Variants in SYT14 observed in about 807,000 individuals in gnomAD.
SYT14 encodes the protein synaptotagmin-14.
In SYT14, 32 loss-of-function variants were observed where a neutral mutation model predicts 74.2. The ratio of observed to expected loss-of-function variants is 0.43; its 90% CI spans 0.33 to 0.58. The LOEUF (loss-of-function observed/expected upper bound fraction) is 0.58. SYT14 is among the 20% of genes least tolerant of loss of function. SYT14 has a pLI of 0.05. For missense variants in SYT14, 791 were observed against 981.8 expected, an observed-to-expected ratio of 0.81 and a Z score of 2.60; for synonymous variants, 298 against 337.7, an observed-to-expected ratio of 0.88 and a Z score of 1.29.
At chr1:210,079,023 G>A (rs1406575407) in intron 5 of SYT14, among the ~76,000 whole-genome samples, 10 of 152,072 alleles carry the variant, frequency 6.6e-5, no homozygotes, top group Non-Finnish European at 2.9e-5. Context: ...TAAGTGCTGG[G>A]ATTATAGGTG....
intron 5 of SYT14, among the ~76,000 whole-genome samples, chr1:210,033,316 A>G (rs1006441500): frequency 6.6e-6 from 1 of 151,878 alleles, no homozygotes; most frequent in African/African-American, 2.4e-5. Flanking sequence ...TTACAGAGCC[A>G]TTTTAAAGAG....
At chr1:209,965,392 C>G (rs2079139864) in intron 2 of SYT14, among the ~76,000 whole-genome samples, 1 of 152,202 alleles carries the variant, frequency 6.6e-6, no homozygotes, top group African/African-American at 2.4e-5. Flanking sequence ...GACATGATTT[C>G]ATCTCTTTTG....
intron 7 of SYT14, among the ~76,000 whole-genome samples, chr1:210,113,123 G>A (rs747735349): frequency 2.0e-4 from 30 of 151,426 alleles, no homozygotes; most frequent in Non-Finnish European, 4.0e-4. Flanking sequence ...GCTACAGGGC[G>A]TGGTCCCGGC....
rs748912589 is a variant in SYT14 at position 210,013,617 on chromosome 1, CT to C, written c.-485-7del. ...GAAAAATAAATGCTTACAGCTGTGA[CT>C]TTTTTTTTCTCTAGTATCTCCAGAG... On this transcript the variant is annotated splice_polypyrimidine_tract_variant and intron_variant, in intron 2 of 9. Transcript: ENST00000637265. The C allele has an allele frequency of 1.4e-4, 230 of 1,597,416 alleles. No homozygotes were observed. The Middle Eastern group carries it at 1.7e-3, about 12-fold the overall frequency.
chr1:210,130,989 A>G (rs2082662099), intron 7 of SYT14, among the ~76,000 whole-genome samples: 1 of 152,202 alleles, frequency 6.6e-6, no homozygotes, highest in African/African-American at 2.4e-5. Flanking sequence ...TTGTGGCATA[A>G]GAGAATTGTT....
At chr1:210,054,148 G>A (rs2081051580) in intron 5 of SYT14, among the ~76,000 whole-genome samples, 1 of 151,966 alleles carries the variant, frequency 6.6e-6, no homozygotes, top group Non-Finnish European at 1.5e-5. Context: ...GGGAAATTTT[G>A]TAACATTGTA....
chr1:209,961,227 A>G (rs2079071172), intron 2 of SYT14, among the ~76,000 whole-genome samples: 1 of 152,276 alleles, frequency 6.6e-6, no homozygotes, highest in East Asian at 1.9e-4. Flanking sequence ...AGTGTCTGAA[A>G]TGTAGGTGAC....
chr1:210,093,500 G>A (rs995429011), intron 5 of SYT14, among the ~76,000 whole-genome samples: 2 of 152,004 alleles, frequency 1.3e-5, no homozygotes, highest in Non-Finnish European at 2.9e-5. Context: ...GTCCTTGTTC[G>A]CAGATATGTT....
intron 2 of SYT14, among the ~76,000 whole-genome samples, chr1:209,976,523 T>A (rs1398810456): frequency 1.3e-5 from 2 of 151,808 alleles, no homozygotes; most frequent in African/African-American, 4.8e-5. Flanking sequence ...TTTGAGTGAG[T>A]TTCTTAATCC....
At position 210,016,114 on chromosome 1, in the gene SYT14, T is replaced by A. The variant is rs2080177636; in HGVS notation, c.111T>A (p.Tyr37Ter). 1.6e-6 allele frequency: 2 copies of A among 1,232,134 alleles called. No individual in the cohort carries two copies. Among genetic ancestry groups the A allele is most frequent in the South Asian group, 4.1e-5 (1 of 24,322 alleles). 76.3% of individuals were successfully genotyped at this position (1,232,134 alleles called of 1,614,324 possible). ...CCACTGCTGTTGGGGAGGTCAGCTA[T>A]GCTTTAACTGACTCAGTTGCTGAGC... Residue 37 changes from tyrosine to a stop codon, truncating the protein, a stop_gained, in exon 4 of 10, where the codon TAT (tyrosine) becomes TAA (stop). Coordinates refer to ENST00000637265, the Ensembl canonical transcript of SYT14. LOFTEE classifies it high-confidence loss of function.
intron 7 of SYT14, among the ~76,000 whole-genome samples, chr1:210,142,952 A>G (rs2082948590): frequency 6.6e-6 from 1 of 152,252 alleles, no homozygotes; most frequent in South Asian, 2.1e-4. Flanking sequence ...TCTCTGTTTT[A>G]TAACGGAGAA....
At chr1:210,037,138 T>G (rs2080681871) in intron 5 of SYT14, among the ~76,000 whole-genome samples, 2 of 152,258 alleles carry the variant, frequency 1.3e-5, no homozygotes, top group African/African-American at 4.8e-5. Context: ...GAATTTCTGT[T>G]TCTTCCTGGT....
rs1212955228 is a variant in SYT14 at position 210,045,608 on chromosome 1, T to G, written c.1312+24354T>G. Among the ~76,000 whole-genome samples, 6 of 152,304 alleles carry G rather than the reference T, an allele frequency of 3.9e-5. No homozygotes were observed. In the East Asian group the frequency reaches 9.6e-4, roughly 24 times the overall value. ...CTCTGAATTAATAGTATAGTTACAT[T>G]AATAAATAAGGACTTTAACCAAATG... On this transcript the variant is annotated intron_variant, in intron 5 of 9. Coordinates refer to ENST00000637265, the Ensembl canonical transcript of SYT14.
chr1:209,969,179 C>T (rs1375966929), intron 2 of SYT14, among the ~76,000 whole-genome samples: 2 of 152,046 alleles, frequency 1.3e-5, no homozygotes, highest in Admixed American at 6.6e-5. Context: ...CATGTCTTTG[C>T]TATTGTGAAT....
In SYT14 at chr1:210,121,610, T is replaced by A. The variant is rs187761064; in HGVS notation, c.2034+21149T>A. ...GAGATTGAGACCATCCTGGCTAACA[T>A]GGTGAAACTCTGTCTCTACTAAAAA... On this transcript the variant is annotated intron_variant, in intron 7 of 9. Transcript: ENST00000637265. Among the ~76,000 whole-genome samples the A allele has an allele frequency of 8.6e-5, 13 of 152,042 alleles. No homozygotes were observed. In the South Asian group the frequency reaches 1.7e-3, roughly 19 times the overall value.
chr1:210,111,872 T>C (rs1470358059), intron 7 of SYT14, among the ~76,000 whole-genome samples: 1 of 151,232 alleles, frequency 6.6e-6, no homozygotes, highest in African/African-American at 2.5e-5. Flanking sequence ...GTTCTATCCT[T>C]AATATAGTCC....
chr1:210,017,473 C>A (rs1393737977), intron 4 of SYT14, among the ~76,000 whole-genome samples: 2 of 152,122 alleles, frequency 1.3e-5, no homozygotes, highest in African/African-American at 2.4e-5. Flanking sequence ...ATAACTAACT[C>A]TGAAGCCCTT....
Position 210,020,406 on chromosome 1 carries a change from G to A in SYT14, c.1097-633G>A, listed in dbSNP as rs563266851. 2.2e-4 allele frequency among the ~76,000 whole-genome samples: 34 copies of A among 152,252 alleles called. No individual in the cohort carries two copies. In the South Asian group the frequency reaches 4.8e-3, roughly 21 times the overall value. ...GGCTGAATTCTTAGAAATAGAATTG[G>A]TAAATTCCTGGAAATGGATCAGATT... is the stretch of plus-strand genomic sequence containing the variant. On this transcript the variant is annotated intron_variant, in intron 4 of 9. Transcript: ENST00000637265.
chr1:210,141,737 C>T (rs1460402374), intron 7 of SYT14, among the ~76,000 whole-genome samples: 1 of 152,190 alleles, frequency 6.6e-6, no homozygotes, highest in Non-Finnish European at 1.5e-5. Context: ...GCCATGCTTT[C>T]AATGCTCCAA....
Sources: allele counts gnomAD v4.1 joint callset (sites outside exome capture counted in the v4.1 genomes callset), GRCh38; gene constraint gnomAD v4.1.1; transcripts MANE v1.5; gene names NCBI Gene and HGNC (gene_info 2026-07-23, HGNC 2026-07-21).